Variants in ATP10B observed in about 807,000 individuals in gnomAD.
The protein encoded by ATP10B is phospholipid-transporting ATPase VB.
ATP10B carries 122 observed loss-of-function variants against 141.2 expected under a neutral mutation model. The ratio of observed to expected loss-of-function variants is 0.86; its 90% CI spans 0.75 to 1.00. ATP10B has a LOEUF of 1.00. Among genes scored for constraint, ATP10B ranks in the 50% least tolerant of loss-of-function variants. ATP10B has a pLI of 0.00. For synonymous variants in ATP10B, 685 were observed against 692.0 expected, an observed-to-expected ratio of 0.99 and a Z score of 0.16; for missense variants, 1,876 against 1,825.3, an observed-to-expected ratio of 1.03 and a Z score of -0.51.
chr5:160,909,297 GTTTTT>G, the ATP10B span, among the ~76,000 whole-genome samples: 1 of 151,942 alleles, frequency 6.6e-6, no homozygotes, highest in African/African-American at 2.4e-5. Context: ...GTGTGTGTGT[GTTTTT>G]TTTAATTCTT....
the ATP10B span, among the ~76,000 whole-genome samples, chr5:160,896,803 G>A: frequency 6.6e-6 from 1 of 152,130 alleles, no homozygotes; most frequent in Non-Finnish European, 1.5e-5. Flanking sequence ...ATAAAATACT[G>A]GGAAACTGAA....
chr5:160,596,264 G>A (rs930226069), intron 22 of ATP10B, among the ~76,000 whole-genome samples: 1 of 152,096 alleles, frequency 6.6e-6, no homozygotes, highest in African/African-American at 2.4e-5. Flanking sequence ...ATGTAATCCA[G>A]CATATAAACA....
At chr5:160,862,704 A>AT in the ATP10B span, among the ~76,000 whole-genome samples, 2 of 151,958 alleles carry the variant, frequency 1.3e-5, no homozygotes, top group Non-Finnish European at 2.9e-5. Flanking sequence ...GCAGCTCTTA[A>AT]TCTTGATCCT....
intron 2 of ATP10B, among the ~76,000 whole-genome samples, chr5:160,755,730 GC>G (rs1219275165): frequency 1.5e-4 from 22 of 146,186 alleles, no homozygotes; most frequent in Non-Finnish European, 2.4e-4. Flanking sequence ...CAGGAGAATG[GC>G]GTGAACTCGG....
In ATP10B at chr5:160,838,303, A is replaced by G. The variant is rs571189442; in HGVS notation, c.-576+13638T>C. Among the ~76,000 whole-genome samples the G allele has an allele frequency of 5.3e-5, 8 of 152,266 alleles. No homozygotes were observed. The South Asian group carries it at 1.7e-3, about 32-fold the overall frequency. On this transcript the variant is annotated intron_variant, in intron 1 of 25. Coordinates refer to ENST00000327245, the MANE Select transcript of ATP10B (RefSeq NM_025153.3). ...GGGAGCATAAGAAAACAGCCCACCTACACCATCAGAAAAACATGTAGATGT... is the reference window on the plus strand; with the variant it reads ...GGGAGCATAAGAAAACAGCCCACCTGCACCATCAGAAAAACATGTAGATGT...
intron 1 of ATP10B, among the ~76,000 whole-genome samples, chr5:160,788,516 A>T (rs371422099): frequency 6.6e-6 from 1 of 152,300 alleles, no homozygotes; most frequent in East Asian, 1.9e-4. Flanking sequence ...CTTTGGCTGT[A>T]TCAAAAAAGA....
intron 25 of ATP10B, among the ~76,000 whole-genome samples, chr5:160,567,671 G>A (rs1412013081): frequency 2.0e-5 from 3 of 152,110 alleles, no homozygotes; most frequent in African/African-American, 7.2e-5. Context: ...CATGATGGCT[G>A]AAGCTTGGGG....
chr5:160,757,077 C>G (rs144403932), intron 2 of ATP10B, among the ~76,000 whole-genome samples: 4 of 151,968 alleles, frequency 2.6e-5, no homozygotes, highest in Non-Finnish European at 4.4e-5. Context: ...AATTTTAGAT[C>G]TTGCATTCAG....
intron 24 of ATP10B, among the ~76,000 whole-genome samples, chr5:160,585,578 G>A (rs1202704425): frequency 6.6e-6 from 1 of 152,236 alleles, no homozygotes. Context: ...CTCTGGCCTG[G>A]ATGACAGAGC....
Position 160,585,637 on chromosome 5 carries a change from A to G in ATP10B, c.3750+3955T>C, listed in dbSNP as rs550063288. On this transcript the variant is annotated intron_variant, in intron 24 of 25. Coordinates refer to ENST00000327245, the MANE Select transcript of ATP10B (RefSeq NM_025153.3). ...ACAAAAAACCAAAAACTATACCTCC[A>G]AACAGCTTGCCATTGTTATCTTTTC... is the stretch of plus-strand genomic sequence containing the variant. Among the ~76,000 whole-genome samples, 13 of 152,288 alleles carry G rather than the reference A, an allele frequency of 8.5e-5. No individual in the cohort carries two copies. The South Asian group carries it at 2.5e-3, about 29-fold the overall frequency.
chr5:160,719,736 G>A (rs1765883707), intron 2 of ATP10B, among the ~76,000 whole-genome samples: 1 of 152,188 alleles, frequency 6.6e-6, no homozygotes, highest in Non-Finnish European at 1.5e-5. Context: ...TCCATTCTAT[G>A]TGCCAGGTGC....
At chr5:160,745,771 A>G (rs1040878301) in intron 2 of ATP10B, among the ~76,000 whole-genome samples, 1 of 152,190 alleles carries the variant, frequency 6.6e-6, no homozygotes, top group Non-Finnish European at 1.5e-5. Flanking sequence ...GATGTTACTC[A>G]CCCAGGTTCA....
chr5:160,635,381 G>T (rs1333389489), intron 11 of ATP10B, among the ~76,000 whole-genome samples: 1 of 152,112 alleles, frequency 6.6e-6, no homozygotes. Context: ...GTCAGGGAGG[G>T]AGTCAGGGTC....
intron 9 of ATP10B, among the ~76,000 whole-genome samples, chr5:160,643,201 C>A (rs374298988): frequency 3.3e-5 from 5 of 152,242 alleles, no homozygotes; most frequent in East Asian, 3.9e-4. Context: ...CTTTGACAAT[C>A]CCAAAGAGTA....
At chr5:160,725,281 G>A (rs1766260912) in intron 2 of ATP10B, among the ~76,000 whole-genome samples, 1 of 152,126 alleles carries the variant, frequency 6.6e-6, no homozygotes, top group Admixed American at 6.5e-5. Context: ...CTTTGGTTGA[G>A]TTCACTCAAG....
chr5:160,647,271 T>C (rs1760358655), intron 8 of ATP10B, among the ~76,000 whole-genome samples: 1 of 152,170 alleles, frequency 6.6e-6, no homozygotes, highest in Non-Finnish European at 1.5e-5. Flanking sequence ...GTGGGTCTGC[T>C]CAGGAAGAAG....
At chr5:160,762,221 T>C (rs1769100974) in intron 2 of ATP10B, among the ~76,000 whole-genome samples, 1 of 152,170 alleles carries the variant, frequency 6.6e-6, no homozygotes, top group Non-Finnish European at 1.5e-5. Context: ...AATGAACACT[T>C]GTGGAATTCA....
Position 160,622,572 on chromosome 5 carries a change from G to C in ATP10B, c.1634C>G (p.Thr545Ser). The change falls in exon 14 of 26, where the codon ACT becomes AGT. Residue 545 changes from threonine to serine, a missense_variant. Physicochemically the swap from Thr to Ser is moderately conservative, Grantham distance 58. Coordinates refer to ENST00000327245, the MANE Select transcript of ATP10B (RefSeq NM_025153.3). ...AFSSSIEKDV[T>S]PDKNLLTKVR... ...CTTGGTCAGTAGGTTTTTATCTGGA[G>C]TTACATCTTTTTCCTGGAAGAGAAA... The C allele has an allele frequency of 6.2e-7, 1 of 1,610,160 alleles. No homozygotes were observed. The highest frequency in any genetic ancestry group is 8.5e-7 in the Non-Finnish European group (1 of 1,177,948).
the ATP10B span, among the ~76,000 whole-genome samples, chr5:160,910,446 C>G: frequency 2.0e-5 from 3 of 152,118 alleles, no homozygotes; most frequent in African/African-American, 7.2e-5. Flanking sequence ...ACGCTCCAGC[C>G]CCTATATCGA....
Sources: allele counts gnomAD v4.1 joint callset (sites outside exome capture counted in the v4.1 genomes callset), GRCh38; gene constraint gnomAD v4.1.1; transcripts MANE v1.5; gene names NCBI Gene and HGNC (gene_info 2026-07-23, HGNC 2026-07-21).